The following SLC26A8 variants were observed in gnomAD, a reference collection of about 807,000 sequenced individuals.
SLC26A8 encodes the protein testis anion transporter 1.
In SLC26A8, 70 loss-of-function variants were observed where a neutral mutation model predicts 105.0. That is an observed-to-expected ratio of 0.67 (90% CI 0.55 to 0.81). The LOEUF (loss-of-function observed/expected upper bound fraction) is 0.81. Ranked by LOEUF, SLC26A8 falls within the 40% of genes least tolerant of loss-of-function variation. The pLI is 0.00. For missense variants in SLC26A8, 998 were observed against 1,181.8 expected, an observed-to-expected ratio of 0.84 and a Z score of 2.28; for synonymous variants, 415 against 438.3, an observed-to-expected ratio of 0.95 and a Z score of 0.66.
intron 2 of SLC26A8, among the ~76,000 whole-genome samples, chr6:36,014,674 G>A (rs931094055): frequency 2.0e-5 from 3 of 152,156 alleles, no homozygotes; most frequent in African/African-American, 7.2e-5. Context: ...AAGGTCAGGA[G>A]TTCGAGATTG....
chr6:36,021,708 G>A (rs938851875), intron 1 of SLC26A8, among the ~76,000 whole-genome samples: 15 of 152,110 alleles, frequency 9.9e-5, no homozygotes, highest in South Asian at 6.2e-4. Flanking sequence ...AGATTTTTAT[G>A]TGGAATCTTC....
chr6:35,963,239 G>T (rs568209926), intron 11 of SLC26A8, among the ~76,000 whole-genome samples: 1 of 152,092 alleles, frequency 6.6e-6, no homozygotes, highest in Non-Finnish European at 1.5e-5. Flanking sequence ...CCATCTGACA[G>T]GCCATCCGGA....
chr6:35,987,615 C>T (rs1224342266), intron 7 of SLC26A8, among the ~76,000 whole-genome samples: 1 of 152,174 alleles, frequency 6.6e-6, no homozygotes, highest in Non-Finnish European at 1.5e-5. Flanking sequence ...TCGTGATCCA[C>T]CTGTCTCGGC....
rs968456735 is a variant in SLC26A8, at chr6:35,954,720, G to A, written c.2232+432C>T. 4 of 192,902 alleles carry A rather than the reference G, an allele frequency of 2.1e-5. No homozygotes were observed. In the Admixed American group the frequency reaches 2.2e-4, roughly 10 times the overall value. The allele number at this position is 192,902 out of a possible 1,614,324, so 11.9% of individuals were successfully genotyped here. A position where few individuals can be genotyped will look rare whatever the true frequency, so the allele number is the denominator to read the frequency against. On this transcript the variant is annotated intron_variant, in intron 17 of 19. Transcript: ENST00000490799. ...AGAGCTTTGGTAGGCCGAGGTGCGC[G>A]GATCACTTGAGGTTAGCAGTTTGAG... is the stretch of plus-strand genomic sequence containing the variant.
At chr6:35,978,758 C>G (rs1773146250) in intron 8 of SLC26A8, among the ~76,000 whole-genome samples, 1 of 151,696 alleles carries the variant, frequency 6.6e-6, no homozygotes, top group Non-Finnish European at 1.5e-5. Context: ...AGAAAGAATT[C>G]ACTTTTAGCA....
intron 8 of SLC26A8, among the ~76,000 whole-genome samples, chr6:35,978,797 A>G (rs1426130818): frequency 1.3e-5 from 2 of 150,770 alleles, no homozygotes; most frequent in Admixed American, 1.3e-4. Context: ...CATTTTCTTC[A>G]CCATCCAACT....
At chr6:35,948,921 C>T (rs1171433336) in intron 19 of SLC26A8, among the ~76,000 whole-genome samples, 1 of 152,160 alleles carries the variant, frequency 6.6e-6, no homozygotes, top group Non-Finnish European at 1.5e-5. Context: ...GTCCTTCCAC[C>T]TTCTGCCATG....
chr6:35,986,024 CTTTTTTT>C (rs34715373), intron 7 of SLC26A8, among the ~76,000 whole-genome samples: 21 of 71,308 alleles, frequency 2.9e-4, no homozygotes, highest in South Asian at 6.4e-4. Flanking sequence ...ACATATACAT[CTTTTTTT>C]TTTTTTTTTT....
chr6:35,991,529 AG>A lies in SLC26A8; in HGVS notation c.942+129del, dbSNP rs1380137404. 5.5e-5 allele frequency: 34 copies of A among 623,310 alleles called. No homozygotes were observed. The Middle Eastern group carries it at 2.3e-3, about 43-fold the overall frequency. The allele number at this position is 623,310 out of a possible 1,614,324, so 38.6% of individuals were successfully genotyped here. A position where few individuals can be genotyped will look rare whatever the true frequency, so the allele number is the denominator to read the frequency against. On this transcript the variant is annotated intron_variant, in intron 7 of 19. Transcript: ENST00000490799. ...TAAAATATTTTAGAAAAAGAAAACA[AG>A]CATGTTTTCACAAATATAAGCATAT... is the stretch of plus-strand genomic sequence containing the variant.
At position 35,979,386 on chromosome 6, in the gene SLC26A8, G is replaced by A. The variant is rs561567965; in HGVS notation, c.1026-2035C>T. ...AGCTACTTGGGAGGCTGAGGCAGGA[G>A]AATGGCATGAACCCGGGAGGCGGAG... On this transcript the variant is annotated intron_variant, in intron 8 of 19. Coordinates refer to ENST00000490799, the MANE Select transcript of SLC26A8 (RefSeq NM_052961.4). 1.0e-3 allele frequency among the ~76,000 whole-genome samples: 158 copies of A among 152,098 alleles called. 1 individual carries two copies. Among genetic ancestry groups the A allele is most frequent in the Non-Finnish European group, 1.8e-3 (121 of 68,012 alleles).
At chr6:35,996,544 T>TTTA (rs1260036447) in intron 5 of SLC26A8, among the ~76,000 whole-genome samples, 15 of 152,042 alleles carry the variant, frequency 9.9e-5, no homozygotes, top group African/African-American at 2.9e-4. Context: ...CATCATTATT[T>TTTA]TTATTATTAT....
intron 3 of SLC26A8, among the ~76,000 whole-genome samples, chr6:36,000,977 A>C (rs1008191344): frequency 6.7e-4 from 102 of 152,252 alleles, no homozygotes; most frequent in African/African-American, 2.4e-3. Context: ...TAATCTGTAG[A>C]TATTTTGGTA....
At chr6:35,953,857 T>C (rs1771961602) in intron 17 of SLC26A8, among the ~76,000 whole-genome samples, 1 of 152,184 alleles carries the variant, frequency 6.6e-6, no homozygotes, top group Non-Finnish European at 1.5e-5. Flanking sequence ...AAAAGCTTCC[T>C]TTTGCCCCAG....
chr6:35,957,051 C>T (rs973924614), intron 16 of SLC26A8, among the ~76,000 whole-genome samples: 2 of 152,008 alleles, frequency 1.3e-5, no homozygotes, highest in Admixed American at 1.3e-4. Context: ...GGAGAAACCA[C>T]GTCTCTACTA....
chr6:35,970,879 T>G (rs918337187), intron 10 of SLC26A8, among the ~76,000 whole-genome samples: 6 of 151,878 alleles, frequency 4.0e-5, no homozygotes, highest in South Asian at 2.1e-4. Context: ...TACAAAAAAA[T>G]TAGCTGGGCG....
intron 7 of SLC26A8, among the ~76,000 whole-genome samples, chr6:35,985,967 C>T (rs1446192050): frequency 3.5e-5 from 5 of 143,510 alleles, no homozygotes; most frequent in African/African-American, 5.1e-5. Context: ...TATATATATA[C>T]ACATTGTGGC....
chr6:36,024,259 G>A (rs1762202933), intron 1 of SLC26A8: 1 of 323,552 alleles, frequency 3.1e-6, no homozygotes, highest in Non-Finnish European at 6.1e-6. Context: ...AAAGGATGCA[G>A]CTTGCAAAAC....
intron 11 of SLC26A8, among the ~76,000 whole-genome samples, chr6:35,968,007 C>G (rs986360208): frequency 6.6e-6 from 1 of 151,978 alleles, no homozygotes; most frequent in Non-Finnish European, 1.5e-5. Context: ...GTCACCACAC[C>G]CAGCTAATTT....
chr6:35,987,919 T>C (rs1773590328), intron 7 of SLC26A8, among the ~76,000 whole-genome samples: 1 of 151,196 alleles, frequency 6.6e-6, no homozygotes, highest in Non-Finnish European at 1.5e-5. Flanking sequence ...TTCTTTTTTT[T>C]TTTTTTTTTT....
Sources: gnomAD v4.1 joint callset for allele counts (sites outside exome capture counted in the v4.1 genomes callset) on GRCh38, gnomAD v4.1.1 for gene constraint, MANE v1.5 for transcripts, NCBI Gene and HGNC (gene_info 2026-07-23, HGNC 2026-07-21) for gene names.